Variants in DYNC2H1 observed in about 807,000 individuals in gnomAD.
The protein encoded by DYNC2H1 is dynein cytoplasmic 2 heavy chain 1.
Under a neutral mutation model 570.0 loss-of-function variants are expected in DYNC2H1, and 410 were observed. The ratio of observed to expected loss-of-function variants is 0.72; its 90% CI spans 0.66 to 0.78. The LOEUF is 0.78. DYNC2H1 is among the 30% of genes least tolerant of loss of function. The probability of loss-of-function intolerance (pLI) is 0.00; values close to 1 mark genes in which losing one functional copy is unlikely to be tolerated. For missense variants in DYNC2H1, 4,865 were observed against 5,046.4 expected (o/e 0.96, Z 1.09); for synonymous variants, 1,688 against 1,677.6 (o/e 1.01, Z -0.15).
At chr11:103,221,982 C>T (rs375262314) in intron 57 of DYNC2H1, 48 bp from the exon 58 acceptor site, 36 of 1,578,774 alleles carry the variant, frequency 2.3e-5, no homozygotes, top group Non-Finnish European at 2.9e-5. Flanking sequence ...TTTTCAGAAA[C>T]AGCAAATTTT....
intron 84 of DYNC2H1, among the ~76,000 whole-genome samples, chr11:103,421,848 T>A (rs12295120): frequency 0.031 from 4,608 of 150,276 alleles, 228 homozygotes; most frequent in African/African-American, 0.11. Flanking sequence ...GACAAGAAAT[T>A]ACCGAGATCA....
chr11:103,433,893 C>A (rs1283592651), intron 84 of DYNC2H1, among the ~76,000 whole-genome samples: 1 of 152,040 alleles, frequency 6.6e-6, no homozygotes, highest in Non-Finnish European at 1.5e-5. Flanking sequence ...GTAGGACAGG[C>A]ATAGGGTAAC....
chr11:103,436,850 T>C (rs535040513), intron 85 of DYNC2H1, among the ~76,000 whole-genome samples: 2 of 152,252 alleles, frequency 1.3e-5, no homozygotes, highest in Admixed American at 1.3e-4. Flanking sequence ...CGATTCAGCC[T>C]TCTATTTGTG....
In DYNC2H1 at chr11:103,239,467, C is replaced by T. The variant is rs148338980; in HGVS notation, c.9819+2928C>T. 1.3e-5 allele frequency among the ~76,000 whole-genome samples: 2 copies of T among 152,224 alleles called. No homozygotes were observed. The highest frequency in any genetic ancestry group is 3.9e-4 in the East Asian group (2 of 5,190). On this transcript the variant is annotated intron_variant, in intron 63 of 88. Transcript: ENST00000375735. The surrounding 1 kb of genome is among the most constrained non-coding windows in gnomAD (Gnocchi z 4.3). ...AGGTAAGGCACTTAAACACATAACT[C>T]ATGTAATTCTCAAATCAACCCAATC...
At position 103,170,947 on chromosome 11, in the gene DYNC2H1, G is replaced by C. The variant is rs1209973260; in HGVS notation, c.5213G>C (p.Gly1738Ala). 2.5e-6 allele frequency: 4 copies of C among 1,606,694 alleles called. No individual in the cohort carries two copies. Among genetic ancestry groups the C allele is most frequent in the South Asian group, 1.1e-5 (1 of 89,938 alleles). ...GGTTTGGTGAAGTGTGGGGCCTGGG[G>C]TTGTTTTGATGAATTTAATAGGCTG... Reference protein sequence around the residue: ...FVGLVKCGAWGCFDEFNRLEE... With the variant: ...FVGLVKCGAWACFDEFNRLEE... Residue 1738 changes from glycine to alanine, a missense_variant, in exon 34 of 89, where the codon GGT becomes GCT. Physicochemically the swap from Gly to Ala is moderately conservative, Grantham distance 60. This residue lies in a region of DYNC2H1 where 292 missense variants were observed against 300.2 expected (regional missense o/e 0.97). Coordinates refer to ENST00000375735, the MANE Select transcript of DYNC2H1 (RefSeq NM_001377.3). This position sits in a 1 kb window ranked among gnomAD's most constrained non-coding sequence, Gnocchi z 4.8.
chr11:103,290,836 T>C (rs1866565351), intron 75 of DYNC2H1, among the ~76,000 whole-genome samples: 1 of 152,218 alleles, frequency 6.6e-6, no homozygotes, highest in Non-Finnish European at 1.5e-5. Flanking sequence ...ACTAACTTGC[T>C]GAGTTATGTT....
In DYNC2H1 at chr11:103,186,563, T is replaced by G. The variant is rs1241737414; in HGVS notation, c.6893+62T>G. 6 of 1,551,668 alleles carry G rather than the reference T, an allele frequency of 3.9e-6. No individual in the cohort carries two copies. The highest frequency in any genetic ancestry group is 5.2e-6 in the Non-Finnish European group (6 of 1,152,630). ...TTATTCCTGCCGCCCCTAATTGATTTAATGGCTTTTGTTATGTTTCTTTTG... is the reference window on the plus strand; with the variant it reads ...TTATTCCTGCCGCCCCTAATTGATTGAATGGCTTTTGTTATGTTTCTTTTG... On this transcript the variant is annotated intron_variant, in intron 42 of 88. Coordinates refer to ENST00000375735, the MANE Select transcript of DYNC2H1 (RefSeq NM_001377.3). This position sits in a 1 kb window ranked among gnomAD's most constrained non-coding sequence, Gnocchi z 4.5.
intron 65 of DYNC2H1, among the ~76,000 whole-genome samples, chr11:103,248,866 G>A (rs1864722849): frequency 6.6e-6 from 1 of 151,802 alleles, no homozygotes; most frequent in Non-Finnish European, 1.5e-5. Flanking sequence ...TGTTCATTCC[G>A]TTGTACACGT....
intron 4 of DYNC2H1, among the ~76,000 whole-genome samples, chr11:103,115,516 G>A (rs537057443): frequency 2.6e-5 from 4 of 152,082 alleles, no homozygotes; most frequent in Non-Finnish European, 2.9e-5. Flanking sequence ...ACAAAATTAC[G>A]CCTGGGCATG....
At chr11:103,123,120 T>G (rs959984222) in intron 11 of DYNC2H1, 120 bp downstream of exon 11, 9 of 817,658 alleles carry the variant, frequency 1.1e-5, no homozygotes, top group South Asian at 6.5e-5. Context: ...GTAATTTTTT[T>G]TTGTTGTTTG....
Position 103,444,471 on chromosome 11 carries a change from C to T in DYNC2H1, c.12456+8439C>T, listed in dbSNP as rs534855301. Among the ~76,000 whole-genome samples, 49 of 151,948 alleles carry T rather than the reference C, an allele frequency of 3.2e-4. 1 individual carries two copies. The South Asian group carries it at 9.1e-3, about 28-fold the overall frequency. Reference sequence around the variant, plus strand: ...TACAAATATTAATATTATATATTTCCGGGATGTCAGAACAGTGTTAAAGTA... The same window carrying T: ...TACAAATATTAATATTATATATTTCTGGGATGTCAGAACAGTGTTAAAGTA... On this transcript the variant is annotated intron_variant, in intron 85 of 88. Transcript: ENST00000375735.
chr11:103,274,428 C>A (rs1443192179), intron 70 of DYNC2H1, among the ~76,000 whole-genome samples: 2 of 152,046 alleles, frequency 1.3e-5, no homozygotes, highest in Non-Finnish European at 2.9e-5. Context: ...TGAACAATAT[C>A]ATTAAATGAT....
At position 103,201,661 on chromosome 11, in the gene DYNC2H1, T is replaced by C. The variant is rs1862724611; in HGVS notation, c.8197+1507T>C. Among the ~76,000 whole-genome samples the C allele has an allele frequency of 6.6e-6, 1 of 152,158 alleles. No individual in the cohort carries two copies. The highest frequency in any genetic ancestry group is 1.5e-5 in the Non-Finnish European group (1 of 68,026). On this transcript the variant is annotated intron_variant, in intron 50 of 88. Transcript: ENST00000375735. This position sits in a 1 kb window ranked among gnomAD's most constrained non-coding sequence, Gnocchi z 4.8. ...TTGCTACTCTTCTCCTGTGGCTCTGTCCCCAGCAAACTGTGGTACTCTCCT... is the reference window on the plus strand; with the variant it reads ...TTGCTACTCTTCTCCTGTGGCTCTGCCCCCAGCAAACTGTGGTACTCTCCT...
Position 103,189,956 on chromosome 11 carries a change from G to C in DYNC2H1, c.7437+140G>C, listed in dbSNP as rs929065553. 24 of 833,540 alleles carry C rather than the reference G, an allele frequency of 2.9e-5. No homozygotes were observed. The highest frequency in any genetic ancestry group is 3.4e-5 in the Non-Finnish European group (19 of 554,600). The allele number at this position is 833,540 out of a possible 1,614,324, so 51.6% of individuals were successfully genotyped here. A position where few individuals can be genotyped will look rare whatever the true frequency, so the allele number is the denominator to read the frequency against. On this transcript the variant is annotated intron_variant, in intron 45 of 88. Transcript: ENST00000375735. The surrounding 1 kb of genome is among the most constrained non-coding windows in gnomAD (Gnocchi z 4.3). ...TTTTCTAGTAGAGAGTAACTGTGAA[G>C]ACAGGTGCTGTGTGTGCCTTATTCA...
Position 103,123,852 on chromosome 11 carries a change from G to A in DYNC2H1, c.1661+852G>A, listed in dbSNP as rs1433499464. Among the ~76,000 whole-genome samples the A allele has an allele frequency of 2.0e-5, 3 of 149,288 alleles. No homozygotes were observed. The East Asian group carries it at 5.9e-4, about 29-fold the overall frequency. On this transcript the variant is annotated intron_variant, in intron 11 of 88. Coordinates refer to ENST00000375735, the MANE Select transcript of DYNC2H1 (RefSeq NM_001377.3). ...CTTTTTTTTTTTAGACCCATTTTTT[G>A]TCCCATAGAATCATCAGTGTGTTTT...
At chr11:103,288,256 A>G (rs182511092) in intron 75 of DYNC2H1, among the ~76,000 whole-genome samples, 1 of 152,200 alleles carries the variant, frequency 6.6e-6, no homozygotes, top group East Asian at 2.0e-4. Flanking sequence ...TCTTTTTGAA[A>G]AAGGGCTGTT....
Position 103,254,199 on chromosome 11 carries a change from A to G in DYNC2H1, c.10206+751A>G, listed in dbSNP as rs1369429591. ...ATATTTTAATGAACAATATCTTTTGATTGACTTGATGATACTTCTTTTAAA... is the reference window on the plus strand; with the variant it reads ...ATATTTTAATGAACAATATCTTTTGGTTGACTTGATGATACTTCTTTTAAA... On this transcript the variant is annotated intron_variant, in intron 66 of 88. Transcript: ENST00000375735. This position sits in a 1 kb window ranked among gnomAD's most constrained non-coding sequence, Gnocchi z 4.9. 6.6e-6 allele frequency among the ~76,000 whole-genome samples: 1 copy of G among 152,102 alleles called. No individual in the cohort carries two copies. Among genetic ancestry groups the G allele is most frequent in the Non-Finnish European group, 1.5e-5 (1 of 67,986 alleles).
intron 77 of DYNC2H1, 62 bp from the exon 78 acceptor site, chr11:103,307,659 A>G: frequency 1.2e-6 from 1 of 810,660 alleles, no homozygotes; most frequent in Non-Finnish European, 1.9e-6. Context: ...TAATAATGTA[A>G]TGTAAAAGAG....
At chr11:103,288,579 G>A (rs987489557) in intron 75 of DYNC2H1, among the ~76,000 whole-genome samples, 2 of 149,504 alleles carry the variant, frequency 1.3e-5, no homozygotes, top group African/African-American at 4.9e-5. Context: ...GGGTGTGGTG[G>A]CTCATGCCTG....
Sources: allele counts gnomAD v4.1 joint callset (sites outside exome capture counted in the v4.1 genomes callset), GRCh38; gene constraint gnomAD v4.1.1; regional missense constraint gnomAD v4.1.1; non-coding constraint Gnocchi (gnomAD v3.1); transcripts MANE v1.5; gene names NCBI Gene and HGNC (gene_info 2026-07-23, HGNC 2026-07-21).